The following CNN1 variants were observed in gnomAD, a reference collection of about 807,000 sequenced individuals.
CNN1 encodes calponin-1.
CNN1 carries 21 observed loss-of-function variants against 35.3 expected under a neutral mutation model. The ratio of observed to expected loss-of-function variants is 0.60; its 90% CI spans 0.42 to 0.86. The LOEUF is 0.86. Ranked by LOEUF, CNN1 falls within the 40% of genes least tolerant of loss-of-function variation. The probability of loss-of-function intolerance (pLI) is 0.00; values close to 1 mark genes in which losing one functional copy is unlikely to be tolerated. For synonymous variants in CNN1, 164 were observed against 161.8 expected (o/e 1.01, Z -0.10); for missense variants, 314 against 400.8 (o/e 0.78, Z 1.85).
At chr19:11,539,668 C>T (rs1972413872) in intron 1 of CNN1, 1 of 676,906 alleles carries the variant, frequency 1.5e-6, no homozygotes. Flanking sequence ...TGGAATCGCC[C>T]CAACAGTATT....
At position 11,546,777 on chromosome 19, in the gene CNN1, C is replaced by G. The variant is rs768101664; in HGVS notation, c.252+36C>G. The G allele has an allele frequency of 1.9e-6, 3 of 1,613,976 alleles. No homozygotes were observed. The African/African-American group carries it at 4.0e-5, about 22-fold the overall frequency. ...ACACAATCTCTTCCATCCTTGCCCG[C>G]AAGCCCCTCAGACCTCCCCTCCCCA... On this transcript the variant is annotated intron_variant, in intron 3 of 6. Coordinates refer to ENST00000252456, the MANE Select transcript of CNN1 (RefSeq NM_001299.6).
chr19:11,541,190 C>A lies in CNN1; in HGVS notation c.178C>A (p.Leu60Ile). The A allele has an allele frequency of 6.3e-7, 1 of 1,579,640 alleles. No individual in the cohort carries two copies. Among genetic ancestry groups the A allele is most frequent in the Non-Finnish European group, 8.6e-7 (1 of 1,160,334 alleles). ...GGACGGCCTCAAAGATGGCATCATT[C>A]TTTGCGAGTGAGTGAGGCTCTCGAA... ...FMDGLKDGII[L>I]CEFINKLQPG... The change falls in exon 2 of 7, where the codon CTT (leucine) becomes ATT (isoleucine). Residue 60 changes from leucine (L) to isoleucine (I), a missense_variant. Coordinates refer to ENST00000252456, the MANE Select transcript of CNN1 (RefSeq NM_001299.6).
At chr19:11,544,586 C>A (rs558816441) in intron 2 of CNN1, among the ~76,000 whole-genome samples, 1 of 151,944 alleles carries the variant, frequency 6.6e-6, no homozygotes, top group Non-Finnish European at 1.5e-5. Flanking sequence ...ATCCTCCCAC[C>A]CCAGCCTCTT....
At chr19:11,539,569 G>A (rs1264469869) in intron 1 of CNN1, 1 of 1,019,362 alleles carries the variant, frequency 9.8e-7, no homozygotes, top group African/African-American at 1.8e-5. Flanking sequence ...AGGTAAAGCA[G>A]GTACAGCGCT....
Position 11,549,546 on chromosome 19 carries a change from G to A in CNN1, c.649-4G>A, listed in dbSNP as rs780340366. The A allele has an allele frequency of 6.2e-5, 99 of 1,597,230 alleles. No homozygotes were observed. The highest frequency in any genetic ancestry group is 7.0e-5 in the Non-Finnish European group (82 of 1,168,016). Reference sequence around the variant, plus strand: ...CCACGGCCTGACCACACCACCCTTCGCAGGCTGGCATGACTGCGCCAGGGA... The same window carrying A: ...CCACGGCCTGACCACACCACCCTTCACAGGCTGGCATGACTGCGCCAGGGA... On this transcript the variant is annotated splice_polypyrimidine_tract_variant and splice_region_variant and intron_variant, in intron 6 of 6. Coordinates refer to ENST00000252456, the MANE Select transcript of CNN1 (RefSeq NM_001299.6). The surrounding 1 kb of genome is among the most constrained non-coding windows in gnomAD (Gnocchi z 5.2).
In CNN1 at chr19:11,541,165, G is replaced by A. The variant is rs1972454994; in HGVS notation, c.153G>A (p.Met51Ile). The A allele has an allele frequency of 6.2e-7, 1 of 1,601,688 alleles. No individual in the cohort carries two copies. The highest frequency in any genetic ancestry group is 8.5e-7 in the Non-Finnish European group (1 of 1,173,558). ...VTGRRIGNNF[M>I]DGLKDGIILC... The stretch of plus-strand genomic sequence containing the variant: ...GCCGTCGCATCGGCAACAACTTCAT[G>A]GACGGCCTCAAAGATGGCATCATTC... Residue 51 changes from methionine to isoleucine, a missense_variant, in exon 2 of 7, where the codon ATG (methionine) becomes ATA (isoleucine). Met to Ile is a conservative substitution (Grantham distance 10, BLOSUM62 1). Coordinates refer to ENST00000252456, the MANE Select transcript of CNN1 (RefSeq NM_001299.6).
chr19:11,543,854 T>C (rs148623313), intron 2 of CNN1, among the ~76,000 whole-genome samples: 24 of 148,966 alleles, frequency 1.6e-4, no homozygotes, highest in African/African-American at 5.4e-4. Context: ...AAATGGCACA[T>C]GTATACCTAT....
intron 1 of CNN1, chr19:11,539,869 C>A: frequency 1.0e-5 from 12 of 1,155,606 alleles, no homozygotes; most frequent in Non-Finnish European, 1.3e-5. Context: ...CCGCCCTCCT[C>A]CCCCCCAGCG....
At chr19:11,547,171 C>A (rs112526657) in intron 4 of CNN1, among the ~76,000 whole-genome samples, 1 of 151,304 alleles carries the variant, frequency 6.6e-6, no homozygotes, top group Non-Finnish European at 1.5e-5. Flanking sequence ...CCAAGGTGAG[C>A]GGATTGCTTG....
intron 2 of CNN1, among the ~76,000 whole-genome samples, chr19:11,543,597 G>A (rs992250955): frequency 2.7e-5 from 4 of 150,898 alleles, no homozygotes; most frequent in Admixed American, 1.3e-4. Flanking sequence ...TGGCTAACAC[G>A]GTGAAACCCT....
At chr19:11,546,600 C>T in intron 2 of CNN1, 75 bp from the exon 3 acceptor site, 4 of 1,525,034 alleles carry the variant, frequency 2.6e-6, no homozygotes, top group Non-Finnish European at 3.6e-6. Context: ...TCCCAAAGTG[C>T]TGGGATTACA....
At position 11,541,071 on chromosome 19, in the gene CNN1, C is replaced by T. The variant is rs376030263; in HGVS notation, c.64-5C>T. The stretch of plus-strand genomic sequence containing the variant: ...TCTGTGCCCCCTGCCCTCCCCTCGC[C>T]CCAGCTGGCCCAGAAGTATGACCAC... On this transcript the variant is annotated splice_polypyrimidine_tract_variant and splice_region_variant and intron_variant, in intron 1 of 6. Transcript: ENST00000252456. 2.7e-4 allele frequency: 428 copies of T among 1,604,318 alleles called. No homozygotes were observed. The highest frequency in any genetic ancestry group is 3.2e-4 in the South Asian group (29 of 89,832).
chr19:11,547,930 C>T (rs759581845), intron 5 of CNN1, 23 bp downstream of exon 5: 32 of 1,599,764 alleles, frequency 2.0e-5, no homozygotes, highest in Non-Finnish European at 2.6e-5. Context: ...CCTCACTGCG[C>T]AGAGGTCATA....
intron 2 of CNN1, among the ~76,000 whole-genome samples, chr19:11,543,155 G>A (rs1338806650): frequency 6.6e-6 from 1 of 152,148 alleles, no homozygotes; most frequent in African/African-American, 2.4e-5. Flanking sequence ...GTCCCAGCCT[G>A]GGCAACATAG....
chr19:11,543,924 AAG>A (rs1279808155), intron 2 of CNN1, among the ~76,000 whole-genome samples: 1 of 152,040 alleles, frequency 6.6e-6, no homozygotes, highest in African/African-American at 2.4e-5. Flanking sequence ...GAAAAAAAAA[AAG>A]AGTGTAGTGC....
chr19:11,539,600 C>T, intron 1 of CNN1: 2 of 828,408 alleles, frequency 2.4e-6, no homozygotes, highest in Non-Finnish European at 3.4e-6. Context: ...ACTCACCCCC[C>T]ATACACCAGG....
chr19:11,549,245 T>G lies in CNN1; in HGVS notation c.502-78T>G, dbSNP rs1972659245. 6.8e-7 allele frequency: 1 copy of G among 1,460,758 alleles called. No individual in the cohort carries two copies. The allele number at this position is 1,460,758 out of a possible 1,614,324, so 90.5% of individuals were successfully genotyped here. ...AAAAAAATGATAAAGCGGCGCCTCA[T>G]CCTCTCCCATCAGCTATGCCTCATG... On this transcript the variant is annotated intron_variant, in intron 5 of 6. Transcript: ENST00000252456. The surrounding 1 kb of genome is among the most constrained non-coding windows in gnomAD (Gnocchi z 5.2).
chr19:11,542,256 G>A (rs1294885935), intron 2 of CNN1: 1 of 151,842 alleles, frequency 6.6e-6, no homozygotes, highest in South Asian at 2.1e-4. Flanking sequence ...GCAGTGACAT[G>A]ATCTCAGCTC....
intron 2 of CNN1, among the ~76,000 whole-genome samples, chr19:11,544,381 A>G (rs2145035309): frequency 6.6e-6 from 1 of 152,260 alleles, no homozygotes; most frequent in African/African-American, 2.4e-5. Context: ...AGAAACAAGA[A>G]GGAGGCTGGC....
Sources: gnomAD v4.1 joint callset for allele counts (sites outside exome capture counted in the v4.1 genomes callset) on GRCh38, gnomAD v4.1.1 for gene constraint, Gnocchi (gnomAD v3.1) non-coding constraint, MANE v1.5 for transcripts, NCBI Gene and HGNC (gene_info 2026-07-23, HGNC 2026-07-21) for gene names.